Variants in RP1 observed in about 807,000 individuals in gnomAD.
RP1 encodes RP1 axonemal microtubule associated, also known as oxygen-regulated protein 1.
RP1 carries 16 observed loss-of-function variants against 14.8 expected under a neutral mutation model. The ratio of observed to expected loss-of-function variants is 1.08; its 90% confidence interval spans 0.73 to 1.65. The LOEUF is 1.65. RP1 is among the 40% of genes most tolerant of loss of function. RP1 has a pLI of 0.00. For missense variants in RP1, 2,631 were observed against 2,535.0 expected (o/e 1.04, Z -0.81); for synonymous variants, 876 against 883.6 (o/e 0.99, Z 0.15).
intron 7 of RP1, among the ~76,000 whole-genome samples, chr8:54,667,011 G>A (rs1807033557): frequency 6.6e-6 from 1 of 152,068 alleles, no homozygotes; most frequent in Non-Finnish European, 1.5e-5. Flanking sequence ...ATAGGCACTG[G>A]ACCTCAGATA....
At chr8:54,702,615 T>C (rs1033706369) in intron 14 of RP1, among the ~76,000 whole-genome samples, 19 of 152,138 alleles carry the variant, frequency 1.2e-4, no homozygotes, top group Middle Eastern at 3.2e-3. Context: ...TTGCTGCAGA[T>C]TGGGGTGGCT....
chr8:54,668,042 G>T (rs1200394064), intron 7 of RP1, among the ~76,000 whole-genome samples: 1 of 152,032 alleles, frequency 6.6e-6, no homozygotes, highest in Non-Finnish European at 1.5e-5. Flanking sequence ...CAAAAAAAGA[G>T]AATTTTAGAC....
At chr8:54,820,168 G>A (rs1450706604) in intron 24 of RP1, among the ~76,000 whole-genome samples, 1 of 152,030 alleles carries the variant, frequency 6.6e-6, no homozygotes. Context: ...TACCCAAGCT[G>A]CAAGACAAAA....
intron 23 of RP1, among the ~76,000 whole-genome samples, chr8:54,777,871 C>A (rs1236553883): frequency 6.6e-6 from 1 of 152,002 alleles, no homozygotes; most frequent in Non-Finnish European, 1.5e-5. Flanking sequence ...ATAATAAGAT[C>A]AATTATGAGG....
intron 23 of RP1, chr8:54,780,848 T>A: frequency 1.2e-6 from 1 of 859,594 alleles, no homozygotes; most frequent in Non-Finnish European, 1.4e-6. Context: ...AGGCTGAAGT[T>A]CGGAATTCTC....
chr8:54,661,226 GAT>G (rs1186794995), intron 6 of RP1, among the ~76,000 whole-genome samples: 4 of 143,976 alleles, frequency 2.8e-5, no homozygotes, highest in Non-Finnish European at 4.5e-5. Context: ...TATACATAAT[GAT>G]ATATATAATA....
At chr8:54,713,324 G>C (rs1286240421) in intron 15 of RP1, among the ~76,000 whole-genome samples, 1 of 152,098 alleles carries the variant, frequency 6.6e-6, no homozygotes, top group Non-Finnish European at 1.5e-5. Context: ...CGTTCATAGG[G>C]ACATTTGTAA....
intron 1 of RP1, among the ~76,000 whole-genome samples, chr8:54,583,630 T>C (rs534689475): frequency 6.6e-6 from 1 of 152,362 alleles, no homozygotes; most frequent in East Asian, 1.9e-4. Flanking sequence ...CATCTGGTCC[T>C]GTACTTTTTT....
intron 1 of RP1, among the ~76,000 whole-genome samples, chr8:54,606,342 C>A (rs1327145578): frequency 8.6e-5 from 13 of 151,974 alleles, no homozygotes; most frequent in Admixed American, 2.0e-4. Context: ...GTTGAAAATT[C>A]TTTTCTTTAA....
intron 25 of RP1, among the ~76,000 whole-genome samples, chr8:54,842,793 C>G (rs1282988561): frequency 6.6e-6 from 1 of 152,200 alleles, no homozygotes; most frequent in Non-Finnish European, 1.5e-5. Flanking sequence ...CCGCCACCAC[C>G]TGCTGCCCCC....
At chr8:54,578,135 T>TC (rs1804701809) in intron 1 of RP1, among the ~76,000 whole-genome samples, 2 of 152,138 alleles carry the variant, frequency 1.3e-5, no homozygotes, top group South Asian at 4.2e-4. Context: ...AGTGTGATGT[T>TC]CCCCTGACAA....
chr8:54,858,855 G>T (rs181539310), intron 27 of RP1, among the ~76,000 whole-genome samples: 1 of 151,002 alleles, frequency 6.6e-6, no homozygotes, highest in Admixed American at 6.6e-5. Context: ...GAGTAGTGTC[G>T]CTGTAGAGTG....
chr8:54,715,287 A>T (rs1808375670), intron 15 of RP1, among the ~76,000 whole-genome samples: 1 of 152,174 alleles, frequency 6.6e-6, no homozygotes, highest in Middle Eastern at 3.2e-3. Flanking sequence ...ATGTGTAGGA[A>T]GGCGCACCTT....
chr8:54,589,514 A>G (rs1017603071), intron 1 of RP1, among the ~76,000 whole-genome samples: 2 of 152,186 alleles, frequency 1.3e-5, no homozygotes, highest in Non-Finnish European at 2.9e-5. Flanking sequence ...CTTGGGCCCA[A>G]TGACAGCACA....
chr8:54,833,303 C>T lies in RP1; in HGVS notation c.3616-4147C>T, dbSNP rs952587120. 1.7e-4 allele frequency among the ~76,000 whole-genome samples: 26 copies of T among 152,020 alleles called. 1 individual carries two copies. The highest frequency in any genetic ancestry group is 6.0e-4 in the African/African-American group (25 of 41,518). ...AAATGCCCTCATGCAAAAAGCTATA[C>T]AAATATAGATATTGGCTATTTTCAA... On this transcript the variant is annotated intron_variant, in intron 24 of 28. Transcript: ENST00000637698.
At chr8:54,699,776 C>A (rs1807968125) in intron 13 of RP1, among the ~76,000 whole-genome samples, 1 of 152,156 alleles carries the variant, frequency 6.6e-6, no homozygotes, top group South Asian at 2.1e-4. Flanking sequence ...AAAAAGTAGA[C>A]CAATTCTCTA....
chr8:54,666,823 G>A (rs1227014172), intron 7 of RP1, among the ~76,000 whole-genome samples: 2 of 152,056 alleles, frequency 1.3e-5, no homozygotes, highest in African/African-American at 4.8e-5. Flanking sequence ...TGTGGTCCCA[G>A]GGGATTTTCA....
rs1223453949 is a variant in RP1 at position 54,625,586 on chromosome 8, A to G, written c.1704A>G (p.Ser568=). 6.2e-7 allele frequency: 1 copy of G among 1,614,132 alleles called. No homozygotes were observed. The highest frequency in any genetic ancestry group is 1.3e-5 in the African/African-American group (1 of 75,062). The change falls in exon 4 of 4, where the codon TCA becomes TCG. Residue 568 remains serine (S), a synonymous_variant. Transcript: ENST00000220676. ...LEMSHNNGLP[S]TISNNSIVEE... is the part of the protein sequence containing the mutation. ...TGTCACATAATAATGGTTTGCCATCAACTATATCAAATAACTCAATTGTGG... is the reference window on the plus strand; with the variant it reads ...TGTCACATAATAATGGTTTGCCATCGACTATATCAAATAACTCAATTGTGG...
chr8:54,641,139 G>T (rs964850292), intron 3 of RP1, among the ~76,000 whole-genome samples: 2 of 151,902 alleles, frequency 1.3e-5, no homozygotes, highest in Non-Finnish European at 2.9e-5. Context: ...TAGAGACGGG[G>T]TTTCACTGTG....
Sources: allele counts gnomAD v4.1 joint callset (sites outside exome capture counted in the v4.1 genomes callset), GRCh38; gene constraint gnomAD v4.1.1; transcripts MANE v1.5; gene names NCBI Gene and HGNC (gene_info 2026-07-23, HGNC 2026-07-21).